Variants in GBA2 observed in about 807,000 individuals in gnomAD.
GBA2 encodes glucosylceramidase beta 2.
GBA2 carries 79 observed loss-of-function variants against 112.9 expected under a neutral mutation model. The ratio of observed to expected loss-of-function variants is 0.70; its 90% CI spans 0.58 to 0.84. GBA2 has a LOEUF of 0.84. GBA2 is among the 40% of genes least tolerant of loss of function. The pLI, the probability that GBA2 is intolerant of heterozygous loss-of-function variation, is 0.00. For missense variants in GBA2, 1,043 were observed against 1,190.0 expected (o/e 0.88, Z 1.82); for synonymous variants, 403 against 434.3 (o/e 0.93, Z 0.90).
chr9:35,748,584 G>T lies in GBA2; in HGVS notation c.121C>A (p.Gln41Lys). The change falls in exon 1 of 17, where the codon CAG (glutamine) becomes AAG (lysine). Residue 41 changes from glutamine (Q) to lysine (K), a missense_variant. Physicochemically the swap from Gln to Lys is moderately conservative, Grantham distance 53. Transcript: ENST00000378103. ...PEETGGTKDV[Q>K]VTDCKSPEDS... The stretch of plus-strand genomic sequence containing the variant: ...TCGGGACTCTTACAGTCTGTAACCT[G>T]CACATCCTTGGTGCCGCCAGTCTCT... 1 of 1,613,670 alleles carries T rather than the reference G, an allele frequency of 6.2e-7. No homozygotes were observed. The highest frequency in any genetic ancestry group is 8.5e-7 in the Non-Finnish European group (1 of 1,179,592).
In GBA2 at chr9:35,741,099, T is replaced by C. The variant is rs1316019658; in HGVS notation, c.787-35A>G. The C allele has an allele frequency of 6.2e-7, 1 of 1,610,880 alleles. No individual in the cohort carries two copies. Among genetic ancestry groups the C allele is most frequent in the Admixed American group, 1.7e-5 (1 of 59,954 alleles). ...GAAGATTAGACTCAGACGGTCCCAG[T>C]AGAGCGCCTCCTGACCCCACTCTGC... On this transcript the variant is annotated intron_variant, in intron 4 of 16. Coordinates refer to ENST00000378103, the MANE Select transcript of GBA2 (RefSeq NM_020944.3). The surrounding 1 kb of genome is among the most constrained non-coding windows in gnomAD (Gnocchi z 4.6).
At chr9:35,739,269 G>C (rs774410024) in intron 10 of GBA2, 46 bp downstream of exon 10, 1 of 1,292,182 alleles carries the variant, frequency 7.7e-7, no homozygotes, top group African/African-American at 1.5e-5. Context: ...AAGTTCGGGG[G>C]TATGGGGAGC....
chr9:35,748,040 A>C (rs951874729), intron 1 of GBA2, among the ~76,000 whole-genome samples: 14 of 152,226 alleles, frequency 9.2e-5, no homozygotes, highest in African/African-American at 3.1e-4. Flanking sequence ...AGTATAGCTA[A>C]TCCCAAAGGG....
chr9:35,748,830 A>G lies in GBA2; in HGVS notation c.-126T>C. 1 of 634,518 alleles carries G rather than the reference A, an allele frequency of 1.6e-6. No homozygotes were observed. The highest frequency in any genetic ancestry group is 2.3e-5 in the South Asian group (1 of 44,220). 39.3% of individuals were successfully genotyped at this position (634,518 alleles called of 1,614,324 possible). ...CCGGGCGTTGGGGAAAGCTTAAATGAGCTGGTGTTTCAGTGGAGCCGGGGA... is the reference window on the plus strand; with the variant it reads ...CCGGGCGTTGGGGAAAGCTTAAATGGGCTGGTGTTTCAGTGGAGCCGGGGA... On this transcript the variant is annotated 5_prime_UTR_variant, in exon 1 of 17. Transcript: ENST00000378103.
Position 35,744,423 on chromosome 9 carries a change from C to T in GBA2, c.452-11G>A, listed in dbSNP as rs1318304072. 3.3e-6 allele frequency: 5 copies of T among 1,507,068 alleles called. No homozygotes were observed. 93.4% of individuals were successfully genotyped at this position (1,507,068 alleles called of 1,614,324 possible). A position where few individuals can be genotyped will look rare whatever the true frequency, so the allele number is the denominator to read the frequency against. On this transcript the variant is annotated splice_polypyrimidine_tract_variant and intron_variant, in intron 2 of 16. Coordinates refer to ENST00000378103, the MANE Select transcript of GBA2 (RefSeq NM_020944.3). The stretch of plus-strand genomic sequence containing the variant: ...CACCCAAGGGACAACCTAGAGAAAT[C>T]AGGGTGGTTAGTGGGGTATTGGGAG...
rs1826716192 is a variant in GBA2 at position 35,741,941 on chromosome 9, TAA to T, written c.568-53_568-52del. The T allele has an allele frequency of 4.0e-6, 5 of 1,239,388 alleles. No homozygotes were observed. Among genetic ancestry groups the T allele is most frequent in the Non-Finnish European group, 5.9e-6 (5 of 846,750 alleles). 76.8% of individuals were successfully genotyped at this position (1,239,388 alleles called of 1,614,324 possible). Reference sequence around the variant, plus strand: ...GGGGTAAACCACAGGGACCACAGACTAAGTCTTCCCTCTCCTCAAATCAGCTC... The same window carrying T: ...GGGGTAAACCACAGGGACCACAGACTGTCTTCCCTCTCCTCAAATCAGCTC... On this transcript the variant is annotated intron_variant, in intron 3 of 16. Coordinates refer to ENST00000378103, the MANE Select transcript of GBA2 (RefSeq NM_020944.3). This position sits in a 1 kb window ranked among gnomAD's most constrained non-coding sequence, Gnocchi z 4.6.
intron 10 of GBA2, 23 bp downstream of exon 10, chr9:35,739,292 A>G: frequency 1.3e-6 from 2 of 1,498,194 alleles, no homozygotes; most frequent in East Asian, 2.3e-5. Context: ...AGAGGGCAGA[A>G]GCGGCACAAA....
rs1159887791 is a variant in GBA2, at chr9:35,741,601, C to A, written c.786+71G>T. 4 of 1,050,472 alleles carry A rather than the reference C, an allele frequency of 3.8e-6. No homozygotes were observed. The East Asian group carries it at 9.5e-5, about 25-fold the overall frequency. The allele number at this position is 1,050,472 out of a possible 1,614,324, so 65.1% of individuals were successfully genotyped here. A position where few individuals can be genotyped will look rare whatever the true frequency, so the allele number is the denominator to read the frequency against. On this transcript the variant is annotated intron_variant, in intron 4 of 16. Transcript: ENST00000378103. This position sits in a 1 kb window ranked among gnomAD's most constrained non-coding sequence, Gnocchi z 4.6. ...GCGTGAGCTACCGCGCCTCGCAGGC[C>A]ATGCAGTTTCTAGCAGAGGCAGGTC... is the stretch of plus-strand genomic sequence containing the variant.
rs1826660617 is a variant in GBA2 at position 35,741,290 on chromosome 9, T to C, written c.787-226A>G. Reference sequence around the variant, plus strand: ...TTCTGGGAAGCCAGTGTGATGTTCATGGCTCCAACCTCCCTTTCACAGGCC... The same window carrying C: ...TTCTGGGAAGCCAGTGTGATGTTCACGGCTCCAACCTCCCTTTCACAGGCC... On this transcript the variant is annotated intron_variant, in intron 4 of 16. Transcript: ENST00000378103. This position sits in a 1 kb window ranked among gnomAD's most constrained non-coding sequence, Gnocchi z 4.6. 9 of 575,278 alleles carry C rather than the reference T, an allele frequency of 1.6e-5. No individual in the cohort carries two copies. The highest frequency in any genetic ancestry group is 3.1e-6 in the Non-Finnish European group (1 of 326,478). The allele number at this position is 575,278 out of a possible 1,614,324, so 35.6% of individuals were successfully genotyped here.
Position 35,739,774 on chromosome 9 carries a change from G to C in GBA2, c.1436C>G (p.Ala479Gly). The stretch of plus-strand genomic sequence containing the variant: ...CAGGAAGTATAGTTCATTGAACAGC[G>C]CAGATTTGTACCAGGCAGGCAGTGA... ...DRSLPAWYKS[A>G]LFNELYFLAD... Residue 479 changes from alanine (A) to glycine (G), a missense_variant, in exon 9 of 17, where the codon GCG becomes GGG. Transcript: ENST00000378103. The C allele has an allele frequency of 1.2e-6, 2 of 1,614,034 alleles. No individual in the cohort carries two copies. Among genetic ancestry groups the C allele is most frequent in the Non-Finnish European group, 1.7e-6 (2 of 1,179,876 alleles).
chr9:35,746,733 A>G lies in GBA2; in HGVS notation c.359+1613T>C, dbSNP rs1036212398. On this transcript the variant is annotated intron_variant, in intron 1 of 16. Transcript: ENST00000378103. The surrounding 1 kb of genome is among the most constrained non-coding windows in gnomAD (Gnocchi z 5.2). ...ACCGGACTTTGAAACTAGAGACCAGAAAGGACTGGTAGAGGGAGGGTGTGG... is the reference window on the plus strand; with the variant it reads ...ACCGGACTTTGAAACTAGAGACCAGGAAGGACTGGTAGAGGGAGGGTGTGG... Among the ~76,000 whole-genome samples the G allele has an allele frequency of 6.6e-6, 1 of 152,184 alleles. No individual in the cohort carries two copies. The highest frequency in any genetic ancestry group is 1.5e-5 in the Non-Finnish European group (1 of 68,024).
chr9:35,741,393 C>T lies in GBA2; in HGVS notation c.786+279G>A, dbSNP rs1826673625. ...CACTGCAAGCTCCGCCTCCCGGGTT[C>T]ACACCATTATCCTGCCTCAGCCTCC... On this transcript the variant is annotated intron_variant, in intron 4 of 16. Coordinates refer to ENST00000378103, the MANE Select transcript of GBA2 (RefSeq NM_020944.3). The surrounding 1 kb of genome is among the most constrained non-coding windows in gnomAD (Gnocchi z 4.6). 3.9e-6 allele frequency: 2 copies of T among 513,552 alleles called. No individual in the cohort carries two copies. The highest frequency in any genetic ancestry group is 4.6e-5 in the South Asian group (2 of 43,468). 31.8% of individuals were successfully genotyped at this position (513,552 alleles called of 1,614,324 possible).
Position 35,740,153 on chromosome 9 carries a change from A to G in GBA2, c.1284-30T>C. On this transcript the variant is annotated intron_variant, in intron 7 of 16. Transcript: ENST00000378103. This position sits in a 1 kb window ranked among gnomAD's most constrained non-coding sequence, Gnocchi z 4.7. The stretch of plus-strand genomic sequence containing the variant: ...GGTGGGAAGGGGAAGGATGAACACA[A>G]GCCCCAGGTCAGAGCCCCAGCACTC... 1 of 1,614,086 alleles carries G rather than the reference A, an allele frequency of 6.2e-7. No homozygotes were observed. Among genetic ancestry groups the G allele is most frequent in the South Asian group, 1.1e-5 (1 of 91,076 alleles).
In GBA2 at chr9:35,738,034, C is replaced by T; in HGVS notation, c.2313+3G>A. ...TCTCTGGCTGCTCCTCCTCCTCTCT[C>T]ACCTCAGTGTCTCCTTCTCCTAGGC... On this transcript the variant is annotated splice_donor_region_variant and intron_variant, in intron 15 of 16. Coordinates refer to ENST00000378103, the MANE Select transcript of GBA2 (RefSeq NM_020944.3). The T allele has an allele frequency of 6.2e-7, 1 of 1,602,530 alleles. No homozygotes were observed. The highest frequency in any genetic ancestry group is 8.5e-7 in the Non-Finnish European group (1 of 1,172,348).
intron 11 of GBA2, 48 bp from the exon 12 acceptor site, chr9:35,738,951 A>C: frequency 6.2e-7 from 1 of 1,610,088 alleles, no homozygotes; most frequent in African/African-American, 1.3e-5. Context: ...TGGATAGGGT[A>C]GAGGGTGCAA....
At position 35,740,841 on chromosome 9, in the gene GBA2, A is replaced by T. The variant is rs750177623; in HGVS notation, c.1010T>A (p.Val337Glu). 2 of 1,614,160 alleles carry T rather than the reference A, an allele frequency of 1.2e-6. No homozygotes were observed. The highest frequency in any genetic ancestry group is 1.7e-6 in the Non-Finnish European group (2 of 1,179,996). ...TTTCCTTACCGTGACTCGTGCAGCC[A>T]CAGCCATCGTGTAGGGGTTTGGAAG... ...PTLPNPYTMAVAARVTAATTV... is the reference protein window; with the variant it reads ...PTLPNPYTMAEAARVTAATTV... Residue 337 changes from valine to glutamate, a missense_variant, in exon 5 of 17, where the codon GTG (valine) becomes GAG (glutamate). By Grantham distance (121) the Val-to-Glu change is moderately radical (BLOSUM62 -2). Coordinates refer to ENST00000378103, the MANE Select transcript of GBA2 (RefSeq NM_020944.3). The surrounding 1 kb of genome is among the most constrained non-coding windows in gnomAD (Gnocchi z 4.7).
At position 35,747,955 on chromosome 9, in the gene GBA2, C is replaced by T. The variant is rs573396396; in HGVS notation, c.359+391G>A. 2.0e-5 allele frequency among the ~76,000 whole-genome samples: 3 copies of T among 152,220 alleles called. No homozygotes were observed. The East Asian group carries it at 5.8e-4, about 29-fold the overall frequency. ...GCTTGTGGGAAATAAGGGGTTGAGA[C>T]CCCCCCACCCCCAAATAAAACAACA... On this transcript the variant is annotated intron_variant, in intron 1 of 16. Coordinates refer to ENST00000378103, the MANE Select transcript of GBA2 (RefSeq NM_020944.3).
chr9:35,739,884 C>A, intron 8 of GBA2, 84 bp from the exon 9 acceptor site: 1 of 1,533,976 alleles, frequency 6.5e-7, no homozygotes, highest in Admixed American at 1.7e-5. Flanking sequence ...AGAGTGGGAT[C>A]ATCAAATGAA....
At position 35,746,599 on chromosome 9, in the gene GBA2, AT is replaced by A. The variant is rs773086978; in HGVS notation, c.359+1746del. Among the ~76,000 whole-genome samples the A allele has an allele frequency of 3.9e-4, 60 of 152,244 alleles. No individual in the cohort carries two copies. The highest frequency in any genetic ancestry group is 1.7e-3 in the South Asian group (8 of 4,818). ...AGAGCAAGACTGTCTCAAAAAAAAA[AT>A]AATAATAAAATAAAAAGGGACAGCA... On this transcript the variant is annotated intron_variant, in intron 1 of 16. Coordinates refer to ENST00000378103, the MANE Select transcript of GBA2 (RefSeq NM_020944.3). This position sits in a 1 kb window ranked among gnomAD's most constrained non-coding sequence, Gnocchi z 5.2.
Sources: allele counts gnomAD v4.1 joint callset (sites outside exome capture counted in the v4.1 genomes callset), GRCh38; gene constraint gnomAD v4.1.1; non-coding constraint Gnocchi (gnomAD v3.1); transcripts MANE v1.5; gene names NCBI Gene and HGNC (gene_info 2026-07-23, HGNC 2026-07-21).